Variants in CNOT1 observed in about 807,000 individuals in gnomAD.
CNOT1 encodes the protein CCR4-NOT transcription complex subunit 1, also known as CCR4-associated factor 1.
Under a neutral mutation model 273.8 loss-of-function variants are expected in CNOT1, and 15 were observed. The observed-to-expected ratio is 0.05, with a 90% CI of 0.04 to 0.08. The LOEUF is 0.08. Ranked by LOEUF, CNOT1 falls within the 10% of genes least tolerant of loss-of-function variation. CNOT1 has a pLI of 1.00. For synonymous variants in CNOT1, 1,022 were observed against 1,005.5 expected (o/e 1.02, Z -0.31); for missense variants, 1,644 against 2,912.2 (o/e 0.56, Z 10.02).
intron 48 of CNOT1, 25 bp downstream of exon 48, chr16:58,521,158 C>T (rs762690637): frequency 1.9e-6 from 3 of 1,612,918 alleles, no homozygotes. Flanking sequence ...CATTCCTAGA[C>T]AATTAAAAAT....
chr16:58,590,132 C>G (rs1046142589), intron 2 of CNOT1, among the ~76,000 whole-genome samples: 5 of 152,162 alleles, frequency 3.3e-5, no homozygotes, highest in Non-Finnish European at 4.4e-5. Flanking sequence ...TTGCTAAGAG[C>G]CACATACTAC....
At position 58,520,387 on chromosome 16, in the gene CNOT1, A is replaced by C. The variant is rs2039329290; in HGVS notation, c.*571T>G. Reference sequence around the variant, plus strand: ...AGCTTTGGAATACGTTTGGGTAGAGACAAAATGGAAACTCATGGGATTCCA... The same window carrying C: ...AGCTTTGGAATACGTTTGGGTAGAGCCAAAATGGAAACTCATGGGATTCCA... On this transcript the variant is annotated 3_prime_UTR_variant, in exon 49 of 49. Coordinates refer to ENST00000317147, the MANE Select transcript of CNOT1 (RefSeq NM_016284.5). 1 of 154,324 alleles carries C rather than the reference A, an allele frequency of 6.5e-6. No individual in the cohort carries two copies. Among genetic ancestry groups the C allele is most frequent in the African/African-American group, 2.4e-5 (1 of 41,464 alleles). The allele number at this position is 154,324 out of a possible 1,614,324, so 9.6% of individuals were successfully genotyped here. A position where few individuals can be genotyped will look rare whatever the true frequency, so the allele number is the denominator to read the frequency against.
At chr16:58,622,863 G>C (rs1429242736) in intron 1 of CNOT1, among the ~76,000 whole-genome samples, 1 of 147,270 alleles carries the variant, frequency 6.8e-6, no homozygotes, top group African/African-American at 2.5e-5. Context: ...AAAAAAAAAA[G>C]AAAGAAAGAA....
intron 16 of CNOT1, among the ~76,000 whole-genome samples, chr16:58,569,754 G>A (rs2041201674): frequency 6.6e-6 from 1 of 152,106 alleles, no homozygotes; most frequent in African/African-American, 2.4e-5. Flanking sequence ...GACATGTGGA[G>A]CACTACTGAG....
intron 4 of CNOT1, 54 bp downstream of exon 4, chr16:58,587,726 T>C: frequency 6.4e-7 from 1 of 1,567,212 alleles, no homozygotes; most frequent in Non-Finnish European, 8.6e-7. Flanking sequence ...GCTTAGGGAC[T>C]TTTTAGAAAG....
chr16:58,542,294 T>C lies in CNOT1; in HGVS notation c.4617A>G (p.Arg1539=), dbSNP rs977177470. The C allele has an allele frequency of 4.3e-6, 7 of 1,614,176 alleles. No homozygotes were observed. Among genetic ancestry groups the C allele is most frequent in the Non-Finnish European group, 4.2e-6 (5 of 1,180,026 alleles). Residue 1539 remains arginine (R), a synonymous_variant, in exon 33 of 49, where the codon AGA becomes AGG. Coordinates refer to ENST00000317147, the MANE Select transcript of CNOT1 (RefSeq NM_016284.5). ...LRKHARQEGR[R]YCDPVVLTYQ... The stretch of plus-strand genomic sequence containing the variant: ...ATGTTAAAACAACAGGATCACAGTA[T>C]CTGCGTCCTTCTTGCCTAGCATGTT...
At chr16:58,622,438 G>A (rs539180994) in intron 1 of CNOT1, among the ~76,000 whole-genome samples, 12 of 146,972 alleles carry the variant, frequency 8.2e-5, no homozygotes, top group African/African-American at 3.0e-4. Flanking sequence ...ATTTTACTGT[G>A]ATCCCAAAAC....
In CNOT1 at chr16:58,585,376, A is replaced by G; in HGVS notation, c.768T>C (p.Ala256=). The G allele has an allele frequency of 6.2e-7, 1 of 1,613,946 alleles. No individual in the cohort carries two copies. The highest frequency in any genetic ancestry group is 8.5e-7 in the Non-Finnish European group (1 of 1,180,010). The change falls in exon 8 of 49, where the codon GCT becomes GCC. Residue 256 remains alanine, a synonymous_variant. Transcript: ENST00000317147. ...CATAGCCTACTTCTTGCATGAAATC[A>G]GCCAAAGAGCTCTCCATCATGGTTT... ...VAKTMMESSL[A]DFMQEVGYGF... is the part of the protein sequence containing the mutation.
At chr16:58,590,769 TA>T (rs2042025351) in intron 2 of CNOT1, among the ~76,000 whole-genome samples, 1 of 152,092 alleles carries the variant, frequency 6.6e-6, no homozygotes, top group Non-Finnish European at 1.5e-5. Context: ...CCTGTCTCAA[TA>T]AAAAATAAAA....
At chr16:58,560,992 T>A in intron 16 of CNOT1, among the ~76,000 whole-genome samples, 1 of 152,032 alleles carries the variant, frequency 6.6e-6, no homozygotes, top group Non-Finnish European at 1.5e-5. Context: ...GCCACTGCAC[T>A]CCAGTCTGGG....
At chr16:58,614,304 G>T (rs1161792723) in intron 1 of CNOT1, among the ~76,000 whole-genome samples, 1 of 123,132 alleles carries the variant, frequency 8.1e-6, no homozygotes, top group African/African-American at 2.7e-5. Context: ...GATAACTTTC[G>T]GAAGAGTTCT....
In CNOT1 at chr16:58,586,679, T is replaced by C; in HGVS notation, c.503A>G (p.Asn168Ser). 1 of 1,613,400 alleles carries C rather than the reference T, an allele frequency of 6.2e-7. No individual in the cohort carries two copies. Among genetic ancestry groups the C allele is most frequent in the Non-Finnish European group, 8.5e-7 (1 of 1,179,914 alleles). ...TATATCTTGGAAGCCACCTTCTTGA[T>C]TTCCACTGACGTCTGCGTCAATGTA... ...RSYIDADVSG[N>S]QEGGFQDIAI... is the part of the protein sequence containing the mutation. Residue 168 changes from asparagine to serine, a missense_variant, in exon 7 of 49, where the codon AAT becomes AGT. Physicochemically the swap from Asn to Ser is conservative, Grantham distance 46. Coordinates refer to ENST00000317147, the MANE Select transcript of CNOT1 (RefSeq NM_016284.5).
intron 31 of CNOT1, chr16:58,543,129 A>C (rs1263152444): frequency 1.5e-6 from 2 of 1,325,124 alleles, no homozygotes; most frequent in African/African-American, 3.0e-5. Flanking sequence ...ACAACCAAAA[A>C]AAATCATTAA....
At chr16:58,624,139 T>A (rs186538894) in intron 1 of CNOT1, among the ~76,000 whole-genome samples, 3 of 152,310 alleles carry the variant, frequency 2.0e-5, no homozygotes, top group East Asian at 3.9e-4. Context: ...GAGATTAGCA[T>A]TGGAAGTGGG....
chr16:58,537,680 T>G (rs1056927548), intron 38 of CNOT1, among the ~76,000 whole-genome samples: 2 of 152,254 alleles, frequency 1.3e-5, no homozygotes, highest in Non-Finnish European at 2.9e-5. Context: ...CTAAGTCTGG[T>G]ACCGTATGTA....
intron 17 of CNOT1, chr16:58,559,865 T>C: frequency 3.6e-6 from 2 of 551,028 alleles, no homozygotes; most frequent in South Asian, 1.4e-5. Flanking sequence ...CAAGTCGTTA[T>C]GCTCTAGCAC....
Position 58,616,106 on chromosome 16 carries a change from C to T in CNOT1, c.-175+13622G>A, listed in dbSNP as rs368420429. Among the ~76,000 whole-genome samples the T allele has an allele frequency of 7.7e-4, 96 of 124,366 alleles. 14 individuals carry two copies. The South Asian group carries it at 0.021, about 27-fold the overall frequency. The allele number at this position is 124,366 out of a possible 152,430, so 81.6% of individuals were successfully genotyped here. A position where few individuals can be genotyped will look rare whatever the true frequency, so the allele number is the denominator to read the frequency against. On this transcript the variant is annotated intron_variant, in intron 1 of 48. Coordinates refer to ENST00000317147, the MANE Select transcript of CNOT1 (RefSeq NM_016284.5). ...AATAAAAAGTAAGAAATTGCAATAACTCTTTTTGTTAGTTTTTTCAGACGG... is the reference window on the plus strand; with the variant it reads ...AATAAAAAGTAAGAAATTGCAATAATTCTTTTTGTTAGTTTTTTCAGACGG...
At chr16:58,549,580 GA>G in intron 25 of CNOT1, 138 bp downstream of exon 25, 1 of 1,362,218 alleles carries the variant, frequency 7.3e-7, no homozygotes, top group Non-Finnish European at 9.6e-7. Context: ...TTCCATATAA[GA>G]AACAAAATCT....
chr16:58,583,179 A>G lies in CNOT1; in HGVS notation c.810T>C (p.Ile270=), dbSNP rs769341013. The G allele has an allele frequency of 3.1e-6, 5 of 1,613,558 alleles. No individual in the cohort carries two copies. The highest frequency in any genetic ancestry group is 4.2e-6 in the Non-Finnish European group (5 of 1,179,868). The part of the protein sequence containing the change: ...QEVGYGFCAS[I]EECRNIIVQF... ...GCACGATTATATTGCGACATTCTTC[A>G]ATACTGAAACAGAAATATAACTTCA... is the stretch of plus-strand genomic sequence containing the variant. Residue 270 remains isoleucine, a synonymous_variant, in exon 9 of 49, where the codon ATT becomes ATC. Coordinates refer to ENST00000317147, the MANE Select transcript of CNOT1 (RefSeq NM_016284.5).
Sources: gnomAD v4.1 joint callset for allele counts (sites outside exome capture counted in the v4.1 genomes callset) on GRCh38, gnomAD v4.1.1 for gene constraint, MANE v1.5 for transcripts, NCBI Gene and HGNC (gene_info 2026-07-23, HGNC 2026-07-21) for gene names.